KIF15: variants seen among roughly 807,000 people sequenced by gnomAD.
The protein encoded by KIF15 is kinesin-like protein KIF15.
A neutral mutation model predicts 190.6 loss-of-function variants in KIF15; 140 were observed. That is an observed-to-expected ratio of 0.73 (90% CI 0.64 to 0.84). KIF15 has a LOEUF of 0.84. Among genes scored for constraint, KIF15 ranks in the 40% least tolerant of loss-of-function variants. KIF15 has a pLI of 0.00. For missense variants in KIF15, 1,372 were observed against 1,584.4 expected (o/e 0.87, Z 2.28); for synonymous variants, 528 against 551.3 (o/e 0.96, Z 0.59).
At chr3:44,783,989 G>A (rs778198845) in intron 5 of KIF15, among the ~76,000 whole-genome samples, 2 of 152,098 alleles carry the variant, frequency 1.3e-5, no homozygotes, top group African/African-American at 4.8e-5. Flanking sequence ...TAACAAAATA[G>A]AGACTCTGCA....
At chr3:44,823,988 C>T (rs1198272731) in intron 20 of KIF15, among the ~76,000 whole-genome samples, 1 of 152,174 alleles carries the variant, frequency 6.6e-6, no homozygotes, top group African/African-American at 2.4e-5. Context: ...CGACGCCCAC[C>T]CTGCTTCAGC....
chr3:44,814,485 A>G (rs1240390778), intron 19 of KIF15, among the ~76,000 whole-genome samples: 2 of 152,004 alleles, frequency 1.3e-5, no homozygotes, highest in Non-Finnish European at 2.9e-5. Flanking sequence ...AATTTTTTGT[A>G]TTTTTGGTAG....
intron 6 of KIF15, chr3:44,862,967 A>G (rs1699275495): frequency 6.6e-6 from 1 of 152,136 alleles, no homozygotes; most frequent in African/African-American, 2.4e-5. Context: ...GTTTGTTGTC[A>G]GGAACTAGAC....
At chr3:44,808,202 T>C (rs968605317) in intron 16 of KIF15, among the ~76,000 whole-genome samples, 2 of 152,244 alleles carry the variant, frequency 1.3e-5, no homozygotes, top group African/African-American at 4.8e-5. Context: ...AAATGTTTTA[T>C]AATTCTGTGT....
In KIF15 at chr3:44,773,983, G is replaced by T. The variant is rs147538700; in HGVS notation, c.20-412G>T. On this transcript the variant is annotated intron_variant, in intron 1 of 34. Coordinates refer to ENST00000326047, the MANE Select transcript of KIF15 (RefSeq NM_020242.3). ...ACAACACACCAGCTGAAGAGGCCAGGCTTCTCTCCCTGCATAAGGCACAAA... is the reference window on the plus strand; with the variant it reads ...ACAACACACCAGCTGAAGAGGCCAGTCTTCTCTCCCTGCATAAGGCACAAA... 2.6e-5 allele frequency among the ~76,000 whole-genome samples: 4 copies of T among 152,284 alleles called. No homozygotes were observed. The East Asian group carries it at 7.7e-4, about 29-fold the overall frequency.
intron 5 of KIF15, among the ~76,000 whole-genome samples, chr3:44,782,058 TA>T (rs1244398280): frequency 2.0e-5 from 3 of 152,200 alleles, no homozygotes; most frequent in African/African-American, 7.2e-5. Flanking sequence ...TTCTTCTTTT[TA>T]TTTTTTTTGA....
intron 16 of KIF15, 92 bp from the exon 17 acceptor site, chr3:44,810,754 T>C (rs1240572864): frequency 3.4e-5 from 34 of 1,007,736 alleles, no homozygotes; most frequent in Non-Finnish European, 4.8e-5. Context: ...TCATGAATAG[T>C]ATTTCAATTT....
At chr3:44,840,619 C>T (rs1380445715) in intron 28 of KIF15, among the ~76,000 whole-genome samples, 163 bp downstream of exon 28, 1 of 148,238 alleles carries the variant, frequency 6.7e-6, no homozygotes, top group Admixed American at 6.7e-5. Context: ...CTTTTATTTC[C>T]TTGGAAAAGA....
Position 44,761,879 on chromosome 3 carries a change from G to A in KIF15, c.14G>A (p.Cys5Tyr). The change falls in exon 1 of 35, where the codon TGC becomes TAC. Residue 5 changes from cysteine (C) to tyrosine (Y), a missense_variant. Physicochemically the swap from Cys to Tyr is radical, Grantham distance 194 (BLOSUM62 -2). Transcript: ENST00000326047. Reference sequence around the variant, plus strand: ...GGTGAGGGCGCTATGGCACCCGGCTGCAAAAGTAAGTCTGGGCCCCCGGCT... The same window carrying A: ...GGTGAGGGCGCTATGGCACCCGGCTACAAAAGTAAGTCTGGGCCCCCGGCT... The part of the protein sequence containing the change: MAPG[C>Y]KTELRSVTNG... 1 of 1,614,202 alleles carries A rather than the reference G, an allele frequency of 6.2e-7. No individual in the cohort carries two copies. Among genetic ancestry groups the A allele is most frequent in the Non-Finnish European group, 8.5e-7 (1 of 1,180,030 alleles).
At chr3:44,762,452 G>A (rs1361862858) in intron 1 of KIF15, among the ~76,000 whole-genome samples, 1 of 152,176 alleles carries the variant, frequency 6.6e-6, no homozygotes, top group Non-Finnish European at 1.5e-5. Flanking sequence ...TTTTCACGGA[G>A]GAGAGCACTG....
chr3:44,858,723 A>AACTCTG (rs1699211846), intron 6 of KIF15, among the ~76,000 whole-genome samples: 1 of 152,234 alleles, frequency 6.6e-6, no homozygotes, highest in African/African-American at 2.4e-5. Flanking sequence ...TTGGCACCAG[A>AACTCTG]GTTGGGGAGT....
Position 44,778,101 on chromosome 3 carries a change from G to T in KIF15, c.247-14G>T. The T allele has an allele frequency of 6.2e-7, 1 of 1,605,728 alleles. No individual in the cohort carries two copies. Among genetic ancestry groups the T allele is most frequent in the Non-Finnish European group, 8.5e-7 (1 of 1,172,390 alleles). On this transcript the variant is annotated splice_polypyrimidine_tract_variant and intron_variant, in intron 3 of 34. Transcript: ENST00000326047. ...ATTTTTATGATATGTTAACATGTTT[G>T]GTTACATTTGTAGGAATCTGTATTC...
chr3:44,811,141 G>T, intron 17 of KIF15, 98 bp downstream of exon 17: 1 of 884,564 alleles, frequency 1.1e-6, no homozygotes, highest in Non-Finnish European at 1.7e-6. Context: ...GTTCAAAAGT[G>T]CTTAGTATTA....
chr3:44,813,629 T>G (rs1707899278), intron 19 of KIF15, among the ~76,000 whole-genome samples: 1 of 119,420 alleles, frequency 8.4e-6, no homozygotes, highest in African/African-American at 2.8e-5. Flanking sequence ...TTGTTTGTTT[T>G]GTTTTTTTTT....
At chr3:44,861,587 T>C (rs915965240) in intron 6 of KIF15, among the ~76,000 whole-genome samples, 4 of 152,126 alleles carry the variant, frequency 2.6e-5, no homozygotes, top group Non-Finnish European at 5.9e-5. Flanking sequence ...GCATCTTTAA[T>C]AAGTTTCACC....
intron 6 of KIF15, among the ~76,000 whole-genome samples, chr3:44,867,609 G>C (rs948415681): frequency 6.6e-6 from 1 of 152,222 alleles, no homozygotes. Flanking sequence ...TGGTGTTGAC[G>C]TGGAACCCTA....
intron 7 of KIF15, among the ~76,000 whole-genome samples, chr3:44,792,508 T>C (rs891563763): frequency 2.0e-5 from 3 of 152,016 alleles, no homozygotes; most frequent in Non-Finnish European, 4.4e-5. Context: ...AATTTCAGTT[T>C]TATACTGTTG....
intron 18 of KIF15, 55 bp downstream of exon 18, chr3:44,812,344 T>A: frequency 8.0e-7 from 1 of 1,246,528 alleles, no homozygotes; most frequent in Non-Finnish European, 1.2e-6. Flanking sequence ...AAATGTTACC[T>A]TGAGGAAACA....
intron 16 of KIF15, among the ~76,000 whole-genome samples, chr3:44,808,181 A>G (rs1455548298): frequency 1.3e-5 from 2 of 152,212 alleles, no homozygotes; most frequent in East Asian, 3.8e-4. Flanking sequence ...AAATACTTGC[A>G]GAATACTGCC....
Sources: gnomAD v4.1 joint callset for allele counts (sites outside exome capture counted in the v4.1 genomes callset) on GRCh38, gnomAD v4.1.1 for gene constraint, MANE v1.5 for transcripts, NCBI Gene and HGNC (gene_info 2026-07-23, HGNC 2026-07-21) for gene names.